Variants in SLC35F1 observed in about 807,000 individuals in gnomAD.
SLC35F1 encodes the protein solute carrier family 35 member F1.
SLC35F1 carries 14 observed loss-of-function variants against 48.7 expected under a neutral mutation model. That is an observed-to-expected ratio of 0.29 (90% CI 0.19 to 0.45). The LOEUF (loss-of-function observed/expected upper bound fraction) is 0.45, where lower values mean the gene tolerates loss of function less well. Ranked by LOEUF, SLC35F1 falls within the 20% of genes least tolerant of loss-of-function variation. The probability of loss-of-function intolerance (pLI) is 1.00; values close to 1 mark genes in which losing one functional copy is unlikely to be tolerated. For synonymous variants in SLC35F1, 190 were observed against 202.2 expected (o/e 0.94, Z 0.51); for missense variants, 404 against 500.0 (o/e 0.81, Z 1.83).
intron 1 of SLC35F1, among the ~76,000 whole-genome samples, chr6:117,923,718 C>CATATATGT (rs1562238910): frequency 0.35 from 2,553 of 7,292 alleles, 766 homozygotes; most frequent in Non-Finnish European, 0.41. Context: ...TACATATATA[C>CATATATGT]ATATATACAT....
At chr6:117,964,111 A>G (rs150246648) in intron 1 of SLC35F1, among the ~76,000 whole-genome samples, 1 of 152,286 alleles carries the variant, frequency 6.6e-6, no homozygotes, top group African/African-American at 2.4e-5. Context: ...TGCTGAGGAT[A>G]ATGGCTTCCA....
At chr6:117,960,145 C>T (rs997585807) in intron 1 of SLC35F1, among the ~76,000 whole-genome samples, 3 of 151,914 alleles carry the variant, frequency 2.0e-5, no homozygotes, top group Admixed American at 1.3e-4. Context: ...TCCCTGCCTT[C>T]GAGGAACTGA....
chr6:118,067,757 G>T (rs1200085254), intron 1 of SLC35F1, among the ~76,000 whole-genome samples: 1 of 152,168 alleles, frequency 6.6e-6, no homozygotes, highest in Non-Finnish European at 1.5e-5. Context: ...GAAAGCAGAG[G>T]CAGGAAAGTA....
chr6:117,946,660 T>C (rs1776298591), intron 1 of SLC35F1, among the ~76,000 whole-genome samples: 1 of 152,190 alleles, frequency 6.6e-6, no homozygotes, highest in Admixed American at 6.5e-5. Context: ...TCTGTGCTTT[T>C]TTACATTACC....
intron 4 of SLC35F1, among the ~76,000 whole-genome samples, chr6:118,271,763 A>G (rs2114626360): frequency 6.6e-6 from 1 of 152,310 alleles, no homozygotes; most frequent in Non-Finnish European, 1.5e-5. Flanking sequence ...GGTTGATTGG[A>G]ATCAAGGAGC....
chr6:118,124,836 TAA>T (rs1386431117), intron 1 of SLC35F1, among the ~76,000 whole-genome samples: 2 of 152,192 alleles, frequency 1.3e-5, no homozygotes, highest in Non-Finnish European at 2.9e-5. Context: ...AAAAAAGACT[TAA>T]AGTTACAATT....
chr6:118,292,150 G>A (rs387945), intron 7 of SLC35F1, among the ~76,000 whole-genome samples: 88,294 of 151,502 alleles, frequency 0.58, 26,327 homozygotes, highest in African/African-American at 0.69. Flanking sequence ...AAATAAATAA[G>A]ATACTGATGC....
chr6:117,954,920 A>G (rs368471476), intron 1 of SLC35F1, among the ~76,000 whole-genome samples: 1 of 152,326 alleles, frequency 6.6e-6, no homozygotes, highest in South Asian at 2.1e-4. Context: ...TTGGAATGTT[A>G]AGCATATTCT....
At chr6:117,946,788 A>G (rs1776301152) in intron 1 of SLC35F1, among the ~76,000 whole-genome samples, 1 of 152,162 alleles carries the variant, frequency 6.6e-6, no homozygotes. Context: ...AATTTTAACT[A>G]TTGCAGACGT....
chr6:118,263,166 C>T (rs995015305), intron 3 of SLC35F1, among the ~76,000 whole-genome samples: 2 of 152,182 alleles, frequency 1.3e-5, no homozygotes, highest in Non-Finnish European at 2.9e-5. Flanking sequence ...AAGCGATTCT[C>T]CTGCCTCGGC....
chr6:117,928,485 G>A (rs533109087), intron 1 of SLC35F1, among the ~76,000 whole-genome samples: 6 of 151,848 alleles, frequency 4.0e-5, no homozygotes, highest in African/African-American at 7.3e-5. Context: ...TGAAAACAAC[G>A]TAACTTAATG....
intron 1 of SLC35F1, among the ~76,000 whole-genome samples, chr6:118,098,378 T>C (rs1249146707): frequency 6.6e-6 from 1 of 152,198 alleles, no homozygotes; most frequent in Non-Finnish European, 1.5e-5. Flanking sequence ...GTCTTCACTA[T>C]CCCATTCTTC....
intron 1 of SLC35F1, among the ~76,000 whole-genome samples, chr6:117,922,854 G>C (rs1386226932): frequency 1.3e-5 from 2 of 150,954 alleles, no homozygotes; most frequent in Non-Finnish European, 2.9e-5. Context: ...GTTACCAGCA[G>C]CCACTTTATG....
intron 2 of SLC35F1, among the ~76,000 whole-genome samples, chr6:118,180,844 C>G (rs892337714): frequency 6.6e-6 from 1 of 151,972 alleles, no homozygotes; most frequent in African/African-American, 2.4e-5. Flanking sequence ...TTCTGACAAT[C>G]TAGTGAATAC....
At chr6:118,242,868 T>C (rs1775459157) in intron 3 of SLC35F1, among the ~76,000 whole-genome samples, 1 of 152,202 alleles carries the variant, frequency 6.6e-6, no homozygotes, top group Admixed American at 6.5e-5. Flanking sequence ...TTGCTAACCA[T>C]GCTGAGGGGT....
intron 2 of SLC35F1, among the ~76,000 whole-genome samples, chr6:118,225,194 G>A (rs907949220): frequency 1.3e-5 from 2 of 152,066 alleles, no homozygotes; most frequent in African/African-American, 4.8e-5. Flanking sequence ...GCAATCCTGA[G>A]CAAAAAGAAC....
intron 1 of SLC35F1, among the ~76,000 whole-genome samples, chr6:117,928,727 T>C (rs1380956201): frequency 6.6e-6 from 1 of 152,114 alleles, no homozygotes; most frequent in African/African-American, 2.4e-5. Context: ...CATTTTTTGC[T>C]TTTTGGAGAG....
chr6:118,052,604 G>A (rs112944114), intron 1 of SLC35F1, among the ~76,000 whole-genome samples: 2,212 of 152,080 alleles, frequency 0.015, 61 homozygotes, highest in African/African-American at 0.05. Flanking sequence ...AATCACTTTC[G>A]TGTCTGACCA....
chr6:118,278,448 C>G (rs1032351367), intron 6 of SLC35F1, among the ~76,000 whole-genome samples: 3 of 152,180 alleles, frequency 2.0e-5, no homozygotes, highest in Admixed American at 6.5e-5. Context: ...AACTCCCGTG[C>G]ATCACTTTAC....
Sources: gnomAD v4.1 joint callset for allele counts (sites outside exome capture counted in the v4.1 genomes callset) on GRCh38, gnomAD v4.1.1 for gene constraint, MANE v1.5 for transcripts, NCBI Gene and HGNC (gene_info 2026-07-23, HGNC 2026-07-21) for gene names.